Variants in CHD6 observed in about 807,000 individuals in gnomAD.
CHD6 encodes ATP-dependent chromatin remodeler CHD6.
A neutral mutation model predicts 276.9 loss-of-function variants in CHD6; 50 were observed. The ratio of observed to expected loss-of-function variants is 0.18; its 90% CI spans 0.14 to 0.23. The LOEUF is 0.23. CHD6 is among the 10% of genes least tolerant of loss of function. The probability of loss-of-function intolerance (pLI) is 1.00; values close to 1 mark genes in which losing one functional copy is unlikely to be tolerated. For missense variants in CHD6, 2,564 were observed against 3,365.8 expected, an observed-to-expected ratio of 0.76 and a Z score of 5.89; for synonymous variants, 1,173 against 1,229.3, an observed-to-expected ratio of 0.95 and a Z score of 0.96.
intron 1 of CHD6, among the ~76,000 whole-genome samples, chr20:41,563,081 A>G (rs2045319179): frequency 6.6e-6 from 1 of 152,250 alleles, no homozygotes; most frequent in Admixed American, 6.5e-5. Context: ...TCAACGAATT[A>G]ATTTTAGAGT....
In CHD6 at chr20:41,405,133, TCCC is replaced by T. The variant is rs1313631538; in HGVS notation, c.7605_7607del (p.Gly2536del). 2 of 1,613,496 alleles carry T rather than the reference TCCC, an allele frequency of 1.2e-6. No homozygotes were observed. Among genetic ancestry groups the T allele is most frequent in the East Asian group, 2.2e-5 (1 of 44,858 alleles). On this transcript the variant is annotated inframe_deletion, in exon 37 of 37. Transcript: ENST00000373233. Reference sequence around the variant, plus strand: ...TGGTTGCCATGGGTGGACTGAGGAGTCCCCCAACACCAAACATCTGGGGCACAG... The same window carrying T: ...TGGTTGCCATGGGTGGACTGAGGAGTCCAACACCAAACATCTGGGGCACAG...
At chr20:41,575,506 C>G (rs1246124178) in intron 1 of CHD6, among the ~76,000 whole-genome samples, 1 of 152,186 alleles carries the variant, frequency 6.6e-6, no homozygotes, top group African/African-American at 2.4e-5. Context: ...CTGGCTGCAA[C>G]TGCATACTTA....
At chr20:41,524,298 A>T (rs1367132002) in intron 3 of CHD6, among the ~76,000 whole-genome samples, 1 of 152,204 alleles carries the variant, frequency 6.6e-6, no homozygotes, top group African/African-American at 2.4e-5. Context: ...AAAAGAAAAA[A>T]TATAAAAAGA....
intron 1 of CHD6, among the ~76,000 whole-genome samples, chr20:41,580,770 T>C (rs2045529157): frequency 6.6e-6 from 1 of 152,072 alleles, no homozygotes; most frequent in Admixed American, 6.5e-5. Flanking sequence ...TAGGTAAGAA[T>C]GAATATAGTT....
chr20:41,581,588 T>C (rs1459979391), intron 1 of CHD6, among the ~76,000 whole-genome samples: 5 of 151,706 alleles, frequency 3.3e-5, no homozygotes, highest in African/African-American at 1.2e-4. Flanking sequence ...GGCAGGAGAA[T>C]TGCTTGAACT....
At chr20:41,565,477 A>G (rs915508227) in intron 1 of CHD6, among the ~76,000 whole-genome samples, 1 of 152,186 alleles carries the variant, frequency 6.6e-6, no homozygotes. Context: ...AACTTTTGGG[A>G]GAGTAGATGG....
chr20:41,447,576 G>A (rs1039443934), intron 24 of CHD6, among the ~76,000 whole-genome samples: 1 of 152,166 alleles, frequency 6.6e-6, no homozygotes, highest in East Asian at 1.9e-4. Flanking sequence ...ATCAGTAACC[G>A]ACACTCGTTC....
chr20:41,406,589 T>C (rs1267369442), intron 36 of CHD6, among the ~76,000 whole-genome samples: 1 of 152,224 alleles, frequency 6.6e-6, no homozygotes, highest in African/African-American at 2.4e-5. Context: ...GCCAGGAACC[T>C]GGTCCCTGGA....
intron 1 of CHD6, among the ~76,000 whole-genome samples, chr20:41,594,523 A>G (rs1450329388): frequency 1.3e-5 from 2 of 152,314 alleles, no homozygotes; most frequent in African/African-American, 4.8e-5. Flanking sequence ...CCACCTCTAT[A>G]AAGTCTTTTG....
intron 1 of CHD6, among the ~76,000 whole-genome samples, chr20:41,581,115 T>C (rs924315953): frequency 4.6e-5 from 7 of 152,252 alleles, no homozygotes; most frequent in African/African-American, 1.7e-4. Flanking sequence ...TGGATTTGTC[T>C]AATATTCACT....
chr20:41,504,970 G>T (rs973024390), intron 5 of CHD6, among the ~76,000 whole-genome samples: 2 of 152,162 alleles, frequency 1.3e-5, no homozygotes, highest in African/African-American at 2.4e-5. Flanking sequence ...GGGCGAGGGG[G>T]TGGTCCCTTT....
intron 28 of CHD6, among the ~76,000 whole-genome samples, chr20:41,425,692 T>C (rs1036474276): frequency 1.3e-5 from 2 of 152,110 alleles, no homozygotes; most frequent in Non-Finnish European, 2.9e-5. Context: ...AGATCCTTTG[T>C]TGCCTGCACC....
intron 1 of CHD6, among the ~76,000 whole-genome samples, chr20:41,574,940 C>T (rs1416760926): frequency 6.6e-6 from 1 of 152,122 alleles, no homozygotes; most frequent in African/African-American, 2.4e-5. Flanking sequence ...CCTCCTTTTC[C>T]ATGTGGCCCA....
At chr20:41,570,923 C>T (rs774903479) in intron 1 of CHD6, among the ~76,000 whole-genome samples, 20 of 152,174 alleles carry the variant, frequency 1.3e-4, no homozygotes, top group Non-Finnish European at 2.6e-4. Flanking sequence ...CAACTGCTAA[C>T]TTGGTAGATT....
chr20:41,456,029 A>C (rs756076421), intron 18 of CHD6, 50 bp from the exon 19 acceptor site: 7 of 1,454,674 alleles, frequency 4.8e-6, no homozygotes, highest in Non-Finnish European at 6.4e-6. Flanking sequence ...GTATAGGAGA[A>C]AAACAGCCTC....
intron 2 of CHD6, among the ~76,000 whole-genome samples, chr20:41,548,096 C>T (rs918481427): frequency 1.3e-5 from 2 of 152,202 alleles, no homozygotes; most frequent in African/African-American, 4.8e-5. Context: ...ATTCTCCATC[C>T]TGGAGCCTAT....
chr20:41,601,036 C>G (rs1230935400), intron 1 of CHD6, among the ~76,000 whole-genome samples: 2 of 152,170 alleles, frequency 1.3e-5, no homozygotes, highest in African/African-American at 4.8e-5. Flanking sequence ...AGAAGAAAAC[C>G]TCTGCCCACC....
In CHD6 at chr20:41,499,371, T is replaced by TAA; in HGVS notation, c.853-16_853-15dup. On this transcript the variant is annotated splice_polypyrimidine_tract_variant and intron_variant, in intron 5 of 36. Transcript: ENST00000373233. Reference sequence around the variant, plus strand: ...TTCTGGAGGCTCCTGGGGACAAAGATAAAAAAAAAAGAAAATTGCTGGAAC... The same window carrying TAA: ...TTCTGGAGGCTCCTGGGGACAAAGATAAAAAAAAAAAAGAAAATTGCTGGAAC... The TAA allele has an allele frequency of 1.4e-5, 19 of 1,403,726 alleles. No individual in the cohort carries two copies. The highest frequency in any genetic ancestry group is 3.0e-5 in the African/African-American group (2 of 66,974). The allele number at this position is 1,403,726 out of a possible 1,614,324, so 87.0% of individuals were successfully genotyped here. A position where few individuals can be genotyped will look rare whatever the true frequency, so the allele number is the denominator to read the frequency against.
chr20:41,518,463 G>T (rs1402501129), intron 3 of CHD6, among the ~76,000 whole-genome samples: 1 of 152,080 alleles, frequency 6.6e-6, no homozygotes, highest in African/African-American at 2.4e-5. Flanking sequence ...AAAGGAGGGG[G>T]GAATCATGGT....
Sources: allele counts gnomAD v4.1 joint callset (sites outside exome capture counted in the v4.1 genomes callset), GRCh38; gene constraint gnomAD v4.1.1; transcripts MANE v1.5; gene names NCBI Gene and HGNC (gene_info 2026-07-23, HGNC 2026-07-21).